The following TAF4B variants were observed in gnomAD, a reference collection of about 807,000 sequenced individuals.
The protein encoded by TAF4B is transcription initiation factor TFIID subunit 4B.
A neutral mutation model predicts 86.4 loss-of-function variants in TAF4B; 38 were observed. The ratio of observed to expected loss-of-function variants is 0.44; its 90% CI spans 0.34 to 0.58. The LOEUF (loss-of-function observed/expected upper bound fraction) is 0.58, where lower values mean the gene tolerates loss of function less well. Ranked by LOEUF, TAF4B falls within the 20% of genes least tolerant of loss-of-function variation. The pLI is 0.02. For missense variants in TAF4B, 988 were observed against 1,027.6 expected (o/e 0.96, Z 0.53); for synonymous variants, 388 against 391.2 (o/e 0.99, Z 0.10).
rs2056894883 is a variant in TAF4B, at chr18:26,315,150, C to CTCTG, written c.1833-76_1833-75insGTCT. ...TCTCTCTCTCTCTCTCTCTCTGTCT[C>CTCTG]TCTCTCTCTCTCACACACACACACA... On this transcript the variant is annotated intron_variant, in intron 9 of 14. Coordinates refer to ENST00000269142, the MANE Select transcript of TAF4B (RefSeq NM_005640.3). 1.1e-4 allele frequency: 50 copies of CTCTG among 454,738 alleles called. No individual in the cohort carries two copies. In the Middle Eastern group the frequency reaches 2.6e-3, roughly 24 times the overall value. The allele number at this position is 454,738 out of a possible 1,614,324, so 28.2% of individuals were successfully genotyped here.
chr18:26,365,217 G>A lies in TAF4B; in HGVS notation c.2421+7423G>A, dbSNP rs186337010. Among the ~76,000 whole-genome samples, 1,139 of 152,076 alleles carry A rather than the reference G, an allele frequency of 7.5e-3. 2 individuals are homozygous for A. Among genetic ancestry groups the A allele is most frequent in the Middle Eastern group, 0.017 (5 of 294 alleles). On this transcript the variant is annotated intron_variant, in intron 14 of 14. Coordinates refer to ENST00000269142, the MANE Select transcript of TAF4B (RefSeq NM_005640.3). The stretch of plus-strand genomic sequence containing the variant: ...AGATGGGATTTCACTATGTTGGCCA[G>A]GCTGGTCTTGAACTCCTGACCTCAG...
Position 26,292,282 on chromosome 18 carries a change from G to A in TAF4B, c.1627G>A (p.Val543Met). Reference protein sequence around the residue: ...QQPSGGNEKQVTTISHSSTLT... With the variant: ...QQPSGGNEKQMTTISHSSTLT... Reference sequence around the variant, plus strand: ...GCCTTCAGGAGGCAATGAAAAACAAGTGACCACAATTTCACATTCCTCAAC... The same window carrying A: ...GCCTTCAGGAGGCAATGAAAAACAAATGACCACAATTTCACATTCCTCAAC... The change falls in exon 8 of 15, where the codon GTG becomes ATG. Residue 543 changes from valine to methionine, a missense_variant. By Grantham distance (21) the Val-to-Met change is conservative. Coordinates refer to ENST00000269142, the MANE Select transcript of TAF4B (RefSeq NM_005640.3). 1.9e-6 allele frequency: 3 copies of A among 1,614,098 alleles called. No homozygotes were observed. Among genetic ancestry groups the A allele is most frequent in the Non-Finnish European group, 2.5e-6 (3 of 1,180,004 alleles).
chr18:26,356,796 T>G (rs1480937586), intron 13 of TAF4B, among the ~76,000 whole-genome samples: 2 of 151,520 alleles, frequency 1.3e-5, no homozygotes, highest in Non-Finnish European at 2.9e-5. Flanking sequence ...TTGGTGTTTT[T>G]TTTTTTTTTT....
intron 7 of TAF4B, among the ~76,000 whole-genome samples, chr18:26,290,794 A>G (rs2056582039): frequency 6.6e-6 from 1 of 152,218 alleles, no homozygotes; most frequent in South Asian, 2.1e-4. Context: ...GGAATACCTA[A>G]TAAGGAGCAT....
At chr18:26,230,903 C>G (rs2055655115) in intron 1 of TAF4B, among the ~76,000 whole-genome samples, 1 of 152,090 alleles carries the variant, frequency 6.6e-6, no homozygotes, top group Non-Finnish European at 1.5e-5. Flanking sequence ...AGGGTCATCA[C>G]ACATATCAGT....
intron 1 of TAF4B, among the ~76,000 whole-genome samples, chr18:26,241,666 A>C (rs569659346): frequency 6.6e-6 from 1 of 152,006 alleles, no homozygotes; most frequent in Admixed American, 6.5e-5. Flanking sequence ...TAGTTCTTTT[A>C]ATTGTGATGT....
intron 1 of TAF4B, among the ~76,000 whole-genome samples, chr18:26,231,858 C>T (rs190387079): frequency 6.4e-4 from 97 of 152,186 alleles, no homozygotes; most frequent in Admixed American, 2.0e-3. Context: ...GGGACCTGAG[C>T]GGGTTGTTGC....
chr18:26,328,622 T>C (rs970456311), intron 12 of TAF4B, among the ~76,000 whole-genome samples: 9 of 152,074 alleles, frequency 5.9e-5, no homozygotes, highest in African/African-American at 2.2e-4. Context: ...ACCATTTTTG[T>C]TTTATTTTTT....
intron 2 of TAF4B, among the ~76,000 whole-genome samples, chr18:26,266,398 C>T (rs987115042): frequency 5.3e-5 from 8 of 152,044 alleles, no homozygotes; most frequent in Non-Finnish European, 1.2e-4. Context: ...AGGCTGAGTA[C>T]TGTACCCAGC....
At position 26,386,733 on chromosome 18, in the gene TAF4B, T is replaced by C. The variant is rs143761422; in HGVS notation, c.2422-3112T>C. On this transcript the variant is annotated intron_variant, in intron 14 of 14. Coordinates refer to ENST00000269142, the MANE Select transcript of TAF4B (RefSeq NM_005640.3). ...ACTCTTTCATGTTACCCAGTCGTTA[T>C]TGCTGTGTATTATTCCATGGTATGA... 4.9e-3 allele frequency among the ~76,000 whole-genome samples: 747 copies of C among 152,350 alleles called. 8 individuals are homozygous for C. The highest frequency in any genetic ancestry group is 7.1e-3 in the Non-Finnish European group (480 of 68,038).
intron 14 of TAF4B, among the ~76,000 whole-genome samples, chr18:26,387,505 T>A (rs558345934): frequency 1.8e-4 from 28 of 152,208 alleles, no homozygotes; most frequent in Non-Finnish European, 3.8e-4. Context: ...TGGTAATAAT[T>A]TACAATAGTT....
intron 13 of TAF4B, among the ~76,000 whole-genome samples, chr18:26,350,575 C>A (rs1331668661): frequency 6.6e-6 from 1 of 152,056 alleles, no homozygotes; most frequent in Non-Finnish European, 1.5e-5. Flanking sequence ...GCTTGGGAGG[C>A]CGAAGTAGTG....
chr18:26,345,158 G>GAAGAAACATTGGATTTAAA (rs1298707385), intron 13 of TAF4B, among the ~76,000 whole-genome samples: 1 of 152,074 alleles, frequency 6.6e-6, no homozygotes, highest in East Asian at 1.9e-4. Flanking sequence ...CTACAGATAA[G>GAAGAAACATTGGATTTAAA]CTCCTGGTCT....
intron 12 of TAF4B, among the ~76,000 whole-genome samples, chr18:26,330,504 G>A (rs1250207473): frequency 2.0e-5 from 3 of 152,124 alleles, no homozygotes; most frequent in Admixed American, 1.3e-4. Context: ...TGTTGAGGAT[G>A]ACATTCAGAA....
chr18:26,274,668 G>A lies in TAF4B; in HGVS notation c.603G>A (p.Val201=). 1.9e-6 allele frequency: 3 copies of A among 1,614,126 alleles called. No homozygotes were observed. The highest frequency in any genetic ancestry group is 2.5e-6 in the Non-Finnish European group (3 of 1,180,018). Residue 201 remains valine, a synonymous_variant, in exon 4 of 15, where the codon GTG becomes GTA. Transcript: ENST00000269142. ...TTTAATACCTTTAATTTCAGTCTGT[G>A]GCTGTGCCAACCAGTGTCGTCACAG... ...TVPKPSSVQS[V]AVPTSVVTVT...
chr18:26,358,602 C>T (rs1012781474), intron 14 of TAF4B, among the ~76,000 whole-genome samples: 2 of 151,940 alleles, frequency 1.3e-5, no homozygotes, highest in African/African-American at 2.4e-5. Context: ...CCCAGCTACT[C>T]GGGAGGCTGA....
At chr18:26,381,829 A>G (rs1002980023) in intron 14 of TAF4B, among the ~76,000 whole-genome samples, 6 of 152,082 alleles carry the variant, frequency 3.9e-5, no homozygotes, top group Non-Finnish European at 7.4e-5. Context: ...GTTGTCACCT[A>G]CTTTACTGCT....
chr18:26,266,676 A>G (rs990589172), intron 2 of TAF4B: 2 of 152,010 alleles, frequency 1.3e-5, no homozygotes, highest in African/African-American at 4.8e-5. Flanking sequence ...CCTGGCTAAC[A>G]CGGTGAAACC....
intron 7 of TAF4B, among the ~76,000 whole-genome samples, chr18:26,287,273 A>G (rs538157035): frequency 2.0e-5 from 3 of 152,266 alleles, no homozygotes; most frequent in African/African-American, 7.2e-5. Context: ...CCAAAATGTT[A>G]GGATTACAGG....
Sources: gnomAD v4.1 joint callset for allele counts (sites outside exome capture counted in the v4.1 genomes callset) on GRCh38, gnomAD v4.1.1 for gene constraint, MANE v1.5 for transcripts, NCBI Gene and HGNC (gene_info 2026-07-23, HGNC 2026-07-21) for gene names.